UCP3: variants seen among roughly 807,000 people sequenced by gnomAD.
UCP3 encodes putative mitochondrial transporter UCP3.
Under a neutral mutation model 28.1 loss-of-function variants are expected in UCP3, and 24 were observed. That is an observed-to-expected ratio of 0.85 (90% CI 0.62 to 1.20). UCP3 has a LOEUF of 1.20. UCP3 is among the 50% of genes most tolerant of loss of function. The probability of loss-of-function intolerance (pLI) is 0.00; values close to 1 mark genes in which losing one functional copy is unlikely to be tolerated. For missense variants in UCP3, 397 were observed against 422.2 expected, an observed-to-expected ratio of 0.94 and a Z score of 0.52; for synonymous variants, 184 against 171.2, an observed-to-expected ratio of 1.07 and a Z score of -0.59.
At chr11:74,006,602 T>C (rs894214247) in intron 2 of UCP3, among the ~76,000 whole-genome samples, 6 of 152,252 alleles carry the variant, frequency 3.9e-5, no homozygotes, top group African/African-American at 1.4e-4. Flanking sequence ...AGGGACAGAT[T>C]GTTTTTCCCA....
In UCP3 at chr11:74,004,587, T is replaced by C. The variant is rs1475384527; in HGVS notation, c.542-2A>G. 6.2e-7 allele frequency: 1 copy of C among 1,613,082 alleles called. No homozygotes were observed. On this transcript the variant is annotated splice_acceptor_variant, in intron 4 of 6. Coordinates refer to ENST00000314032, the MANE Select transcript of UCP3 (RefSeq NM_003356.4). LOFTEE classifies it high-confidence loss of function. ...TCCTCATGATGTTGGGCAAAGTTCC[T>C]GTTAGGAAGGCGGTGGGGAGGGATG...
At chr11:74,003,452 A>G in intron 6 of UCP3, 1 of 998,132 alleles carries the variant, frequency 1.0e-6, no homozygotes, top group Non-Finnish European at 1.2e-6. Flanking sequence ...CATTCCACGC[A>G]GAGGGAGCAG....
At chr11:74,004,282 G>C (rs1411164076) in intron 5 of UCP3, among the ~76,000 whole-genome samples, 2 of 152,172 alleles carry the variant, frequency 1.3e-5, no homozygotes, top group Non-Finnish European at 2.9e-5. Context: ...GTGGTGCTGG[G>C]ACTGGAACCC....
intron 2 of UCP3, among the ~76,000 whole-genome samples, chr11:74,006,713 C>T (rs962575981): frequency 6.6e-6 from 1 of 152,196 alleles, no homozygotes; most frequent in Non-Finnish European, 1.5e-5. Flanking sequence ...CCATAAAGGG[C>T]CCTGTCACAT....
intron 1 of UCP3, 98 bp from the exon 2 acceptor site, chr11:74,007,235 C>T: frequency 1.5e-6 from 1 of 682,940 alleles, no homozygotes; most frequent in Non-Finnish European, 2.4e-6. Context: ...AGGGAGAAGC[C>T]TGGGTGGTGC....
chr11:74,001,865 G>A (rs573153002), intron 6 of UCP3: 7 of 329,036 alleles, frequency 2.1e-5, no homozygotes, highest in East Asian at 8.0e-5. Context: ...AAAGACCCGC[G>A]GCTAGTAAGT....
chr11:74,003,111 C>A (rs1046455952), intron 6 of UCP3: 1 of 247,536 alleles, frequency 4.0e-6, no homozygotes, highest in Admixed American at 6.5e-5. Flanking sequence ...GTGCTCAGCA[C>A]GAGGCCTAAT....
At chr11:74,004,349 G>A (rs1951643208) in intron 5 of UCP3, 135 bp downstream of exon 5, 9 of 826,062 alleles carry the variant, frequency 1.1e-5, no homozygotes, top group African/African-American at 1.7e-5. Flanking sequence ...AATGTACCTG[G>A]CACTTTTTAC....
In UCP3 at chr11:74,004,621, G is replaced by A. The variant is rs2734828; in HGVS notation, c.542-36C>T. Reference sequence around the variant, plus strand: ...GGCGGTGGGGAGGGATGTGAAATGGGTGGGGAGGGAGGAATGGGAAATGGG... The same window carrying A: ...GGCGGTGGGGAGGGATGTGAAATGGATGGGGAGGGAGGAATGGGAAATGGG... On this transcript the variant is annotated intron_variant, in intron 4 of 6. Coordinates refer to ENST00000314032, the MANE Select transcript of UCP3 (RefSeq NM_003356.4). 391,824 of 1,575,950 alleles carry A rather than the reference G, an allele frequency of 0.25. 50,460 individuals are homozygous for A. Among genetic ancestry groups the A allele is most frequent in the African/African-American group, 0.34 (25,554 of 74,176 alleles).
At chr11:74,003,094 G>T in intron 6 of UCP3, 1 of 321,916 alleles carries the variant, frequency 3.1e-6, no homozygotes, top group Non-Finnish European at 4.5e-6. Flanking sequence ...GGGATAACGT[G>T]TGTAAAGTGC....
At chr11:74,002,993 C>T in intron 6 of UCP3, 1 of 961,112 alleles carries the variant, frequency 1.0e-6, no homozygotes, top group Non-Finnish European at 1.2e-6. Flanking sequence ...ACCATTTTAA[C>T]CTGTGATCTT....
In UCP3 at chr11:74,001,385, T is replaced by G; in HGVS notation, c.*27A>C. 1 of 1,610,418 alleles carries G rather than the reference T, an allele frequency of 6.2e-7. No homozygotes were observed. The highest frequency in any genetic ancestry group is 1.1e-5 in the South Asian group (1 of 91,000). On this transcript the variant is annotated 3_prime_UTR_variant, in exon 7 of 7. Coordinates refer to ENST00000314032, the MANE Select transcript of UCP3 (RefSeq NM_003356.4). Reference sequence around the variant, plus strand: ...CATTCTTAACTGGTTTCGGACACGTTAGCTACCAGTGGCCTTCTTGTCTTG... The same window carrying G: ...CATTCTTAACTGGTTTCGGACACGTGAGCTACCAGTGGCCTTCTTGTCTTG...
intron 1 of UCP3, among the ~76,000 whole-genome samples, chr11:74,008,477 G>A (rs1373738821): frequency 6.6e-6 from 1 of 152,130 alleles, no homozygotes; most frequent in East Asian, 1.9e-4. Context: ...CTTCACAGCA[G>A]CCCACTGAAG....
intron 1 of UCP3, among the ~76,000 whole-genome samples, chr11:74,007,903 T>C (rs1951679332): frequency 6.6e-6 from 1 of 152,122 alleles, no homozygotes; most frequent in Non-Finnish European, 1.5e-5. Flanking sequence ...CGGCAGCCTT[T>C]TGCCACTGGC....
intron 4 of UCP3, 62 bp downstream of exon 4, chr11:74,005,668 C>T (rs1168907722): frequency 5.0e-6 from 8 of 1,592,318 alleles, no homozygotes; most frequent in Admixed American, 3.3e-5. Context: ...GGGGTCCCTG[C>T]CCCAGCCTGA....
In UCP3 at chr11:74,003,970, G is replaced by A. The variant is rs754699467; in HGVS notation, c.681C>T (p.Ala227=). 2.5e-5 allele frequency: 41 copies of A among 1,613,978 alleles called. No homozygotes were observed. The highest frequency in any genetic ancestry group is 1.6e-4 in the Middle Eastern group (1 of 6,082). The stretch of plus-strand genomic sequence containing the variant: ...AGGCCACCACTGTGGCACAGAAGCC[G>A]GCTCCAAAGGCAGAGACAAAGTGGC... ...FPCHFVSAFG[A]GFCATVVASP... The change falls in exon 6 of 7, where the codon GCC becomes GCT. Residue 227 remains alanine (A), a synonymous_variant. Transcript: ENST00000314032.
Position 74,000,653 on chromosome 11 carries a change from T to C in UCP3, c.*759A>G, listed in dbSNP as rs1951615280. The C allele has an allele frequency of 6.6e-6, 1 of 152,234 alleles. No homozygotes were observed. Among genetic ancestry groups the C allele is most frequent in the African/African-American group, 2.4e-5 (1 of 41,450 alleles). The allele number at this position is 152,234 out of a possible 1,614,324, so 9.4% of individuals were successfully genotyped here. The stretch of plus-strand genomic sequence containing the variant: ...TAGATTTACACAGAGCTTTTGCTTT[T>C]ATAAAGTGCGTTCATGCCCAGCTTC... On this transcript the variant is annotated 3_prime_UTR_variant, in exon 7 of 7. Transcript: ENST00000314032.
At position 74,002,860 on chromosome 11, in the gene UCP3, A is replaced by G. The variant is rs939443147; in HGVS notation, c.824+967T>C. 3 of 985,358 alleles carry G rather than the reference A, an allele frequency of 3.0e-6. No individual in the cohort carries two copies. The African/African-American group carries it at 5.2e-5, about 17-fold the overall frequency. The allele number at this position is 985,358 out of a possible 1,614,324, so 61.0% of individuals were successfully genotyped here. On this transcript the variant is annotated intron_variant, in intron 6 of 6. Transcript: ENST00000314032. ...TGGGTCCATTCTAACACTGGGCACC[A>G]AAAAACTCTCTGTTGAAGACATCAG...
chr11:74,002,901 G>C (rs1267048607), intron 6 of UCP3: 13 of 985,352 alleles, frequency 1.3e-5, no homozygotes, highest in Non-Finnish European at 1.6e-5. Flanking sequence ...GGAGGTGAAA[G>C]GGCCAAGCTA....
Sources: gnomAD v4.1 joint callset for allele counts (sites outside exome capture counted in the v4.1 genomes callset) on GRCh38, gnomAD v4.1.1 for gene constraint, MANE v1.5 for transcripts, NCBI Gene and HGNC (gene_info 2026-07-23, HGNC 2026-07-21) for gene names.